Variants in DOCK10 observed in about 807,000 individuals in gnomAD.
DOCK10 encodes the protein dedicator of cytokinesis 10, also known as dedicator of cytokinesis protein 10.
Under a neutral mutation model 280.1 loss-of-function variants are expected in DOCK10, and 145 were observed. That is an observed-to-expected ratio of 0.52 (90% CI 0.45 to 0.59). The LOEUF is 0.59. DOCK10 is among the 20% of genes least tolerant of loss of function. The probability of loss-of-function intolerance (pLI) is 0.00; values close to 1 mark genes in which losing one functional copy is unlikely to be tolerated. For synonymous variants in DOCK10, 915 were observed against 942.2 expected, an observed-to-expected ratio of 0.97 and a Z score of 0.53; for missense variants, 2,368 against 2,651.7, an observed-to-expected ratio of 0.89 and a Z score of 2.35.
At chr2:224,994,065 T>C (rs1432648746) in intron 1 of DOCK10, among the ~76,000 whole-genome samples, 1 of 152,202 alleles carries the variant, frequency 6.6e-6, no homozygotes, top group African/African-American at 2.4e-5. Context: ...TACATGTCTA[T>C]GAATAAAAAT....
At chr2:224,812,373 G>A (rs1183217970) in intron 31 of DOCK10, among the ~76,000 whole-genome samples, 1 of 152,094 alleles carries the variant, frequency 6.6e-6, no homozygotes, top group Non-Finnish European at 1.5e-5. Flanking sequence ...TTATCAGATT[G>A]AGGAGATTTT....
intron 44 of DOCK10, among the ~76,000 whole-genome samples, chr2:224,795,410 C>G (rs1171039828): frequency 1.3e-5 from 2 of 152,170 alleles, no homozygotes; most frequent in East Asian, 1.9e-4. Context: ...GACTTTACTC[C>G]TAGAGACCAT....
intron 1 of DOCK10, among the ~76,000 whole-genome samples, chr2:225,016,431 A>G (rs1324267040): frequency 6.6e-6 from 1 of 151,576 alleles, no homozygotes; most frequent in Non-Finnish European, 1.5e-5. Context: ...TATCTTATTA[A>G]AAATCTGGAG....
chr2:224,803,636 T>C (rs1693160130), intron 39 of DOCK10, among the ~76,000 whole-genome samples: 2 of 152,144 alleles, frequency 1.3e-5, no homozygotes, highest in African/African-American at 2.4e-5. Flanking sequence ...GGACTATCCA[T>C]GCTTCCTCAT....
intron 1 of DOCK10, among the ~76,000 whole-genome samples, chr2:225,028,599 T>C (rs1396271362): frequency 6.6e-6 from 1 of 152,210 alleles, no homozygotes; most frequent in Non-Finnish European, 1.5e-5. Flanking sequence ...CAGAAATCTA[T>C]TAAGATCCTT....
intron 51 of DOCK10, among the ~76,000 whole-genome samples, chr2:224,777,707 G>A (rs1231734198): frequency 6.6e-6 from 1 of 152,192 alleles, no homozygotes; most frequent in Non-Finnish European, 1.5e-5. Context: ...GATCGTGTGA[G>A]TCAATACTCC....
intron 1 of DOCK10, among the ~76,000 whole-genome samples, chr2:225,003,343 T>C (rs1706489239): frequency 6.6e-6 from 1 of 152,174 alleles, no homozygotes; most frequent in African/African-American, 2.4e-5. Context: ...CGTGCCTGGC[T>C]GGAAGGTTAC....
intron 1 of DOCK10, among the ~76,000 whole-genome samples, chr2:225,005,184 C>A (rs190500644): frequency 6.6e-6 from 1 of 152,200 alleles, no homozygotes; most frequent in Non-Finnish European, 1.5e-5. Context: ...CCACAAAAAC[C>A]CTACAAATCT....
At chr2:224,950,933 G>C (rs183259171) in intron 1 of DOCK10, among the ~76,000 whole-genome samples, 87 of 152,326 alleles carry the variant, frequency 5.7e-4, no homozygotes, top group Non-Finnish European at 8.8e-4. Context: ...AGCCATTACA[G>C]AGCCTCAATG....
At chr2:224,843,074 G>T (rs1696079140) in intron 22 of DOCK10, among the ~76,000 whole-genome samples, 1 of 152,182 alleles carries the variant, frequency 6.6e-6, no homozygotes, top group Non-Finnish European at 1.5e-5. Flanking sequence ...GTGCGGGTGG[G>T]GGTGGCGGGG....
rs1011377773 is a variant in DOCK10 at position 225,042,198 on chromosome 2, T to TC, written c.123+53dup. ...AGCTTTTGGGGAAGCTGGGCTCCGT[T>TC]CCCCCCGGGCGCCTGGGGCGCGCGG... is the stretch of plus-strand genomic sequence containing the variant. On this transcript the variant is annotated intron_variant, in intron 1 of 55. Transcript: ENST00000258390. The surrounding 1 kb of genome is among the most constrained non-coding windows in gnomAD (Gnocchi z 5.1). 11 of 1,226,052 alleles carry TC rather than the reference T, an allele frequency of 9.0e-6. No individual in the cohort carries two copies. Among genetic ancestry groups the TC allele is most frequent in the South Asian group, 7.4e-5 (2 of 26,950 alleles). The allele number at this position is 1,226,052 out of a possible 1,614,324, so 75.9% of individuals were successfully genotyped here. A position where few individuals can be genotyped will look rare whatever the true frequency, so the allele number is the denominator to read the frequency against.
At chr2:225,031,692 G>A (rs1254917000) in intron 1 of DOCK10, among the ~76,000 whole-genome samples, 1 of 152,176 alleles carries the variant, frequency 6.6e-6, no homozygotes, top group Non-Finnish European at 1.5e-5. Context: ...GCTCATGTGG[G>A]TGCTGACACG....
chr2:224,946,727 T>C, intron 1 of DOCK10: 1 of 627,112 alleles, frequency 1.6e-6, no homozygotes, highest in Non-Finnish European at 2.5e-6. Context: ...TGGAATCTTC[T>C]GTTCCATATA....
intron 23 of DOCK10, 137 bp from the exon 24 acceptor site, chr2:224,840,209 TTGGA>T (rs1413745820): frequency 1.9e-6 from 1 of 527,282 alleles, no homozygotes; most frequent in African/African-American, 1.9e-5. Context: ...CAATGATTTT[TTGGA>T]TATGACCCTC....
chr2:224,841,886 A>G lies in DOCK10; in HGVS notation c.2579T>C (p.Val860Ala), dbSNP rs1695987372. 1.9e-6 allele frequency: 3 copies of G among 1,611,474 alleles called. No homozygotes were observed. In the East Asian group the frequency reaches 6.7e-5, roughly 36 times the overall value. The change falls in exon 23 of 56, where the codon GTG becomes GCG. Residue 860 changes from valine (V) to alanine (A), a missense_variant. Around this residue, in one of 2 missense-constraint regions of DOCK10, gnomAD observed 1,209 missense variants for 1,250.9 expected, o/e 0.97. Coordinates refer to ENST00000258390, the MANE Select transcript of DOCK10 (RefSeq NM_014689.3). Reference protein sequence around the residue: ...VSTVNTQDPHVNAFFQECQKR... With the variant: ...VSTVNTQDPHANAFFQECQKR... ...TTGGCACTCTTGGAAAAATGCATTC[A>G]CATGTGGATCCTACAACAGCAAAAA...
intron 3 of DOCK10, among the ~76,000 whole-genome samples, chr2:224,898,430 T>C (rs1211864187): frequency 6.6e-6 from 1 of 152,028 alleles, no homozygotes; most frequent in Admixed American, 6.6e-5. Context: ...GACAGACGAA[T>C]GTAGAGAAGA....
chr2:225,035,578 ATATATATAT>A lies in DOCK10; in HGVS notation c.123+6665_123+6673del, dbSNP rs1559986959. ...TATATATATATATATATATATATAT[ATATATATAT>A]AACACTGAATCAGTGTTAATTGTGT... On this transcript the variant is annotated intron_variant, in intron 1 of 55. Transcript: ENST00000258390. Among the ~76,000 whole-genome samples the A allele has an allele frequency of 8.2e-4, 82 of 100,548 alleles. 2 individuals carry two copies. The highest frequency in any genetic ancestry group is 9.2e-3 in the Middle Eastern group (2 of 218). 66.0% of individuals were successfully genotyped at this position (100,548 alleles called of 152,430 possible). A position where few individuals can be genotyped will look rare whatever the true frequency, so the allele number is the denominator to read the frequency against.
intron 7 of DOCK10, among the ~76,000 whole-genome samples, chr2:224,885,095 G>A (rs1699201045): frequency 6.6e-6 from 1 of 152,190 alleles, no homozygotes; most frequent in Non-Finnish European, 1.5e-5. Flanking sequence ...CGCCTCCTGG[G>A]TTCAAGTGAT....
At chr2:224,832,900 C>G (rs377723850) in intron 26 of DOCK10, among the ~76,000 whole-genome samples, 2 of 152,252 alleles carry the variant, frequency 1.3e-5, no homozygotes, top group South Asian at 4.1e-4. Context: ...CCTCTACTGC[C>G]CTCTCCACAT....
Sources: allele counts gnomAD v4.1 joint callset (sites outside exome capture counted in the v4.1 genomes callset), GRCh38; gene constraint gnomAD v4.1.1; regional missense constraint gnomAD v4.1.1; non-coding constraint Gnocchi (gnomAD v3.1); transcripts MANE v1.5; gene names NCBI Gene and HGNC (gene_info 2026-07-23, HGNC 2026-07-21).